The following DGKI variants were observed in gnomAD, a reference collection of about 807,000 sequenced individuals.
The protein encoded by DGKI is DAG kinase iota.
Under a neutral mutation model 147.5 loss-of-function variants are expected in DGKI, and 55 were observed. The observed-to-expected ratio is 0.37, with a 90% confidence interval of 0.30 to 0.47. The LOEUF (loss-of-function observed/expected upper bound fraction) is 0.47, where lower values mean the gene tolerates loss of function less well. Ranked by LOEUF, DGKI falls within the 20% of genes least tolerant of loss-of-function variation. The pLI, the probability that DGKI is intolerant of heterozygous loss-of-function variation, is 1.00. For synonymous variants in DGKI, 469 were observed against 477.1 expected (o/e 0.98, Z 0.22); for missense variants, 1,007 against 1,323.8 (o/e 0.76, Z 3.71).
At chr7:137,818,617 A>G (rs1797806901) in intron 1 of DGKI, among the ~76,000 whole-genome samples, 1 of 151,880 alleles carries the variant, frequency 6.6e-6, no homozygotes, top group Non-Finnish European at 1.5e-5. Context: ...AATTTTTTGT[A>G]TTTTTGGTAG....
intron 28 of DGKI, among the ~76,000 whole-genome samples, chr7:137,432,794 C>A (rs1813130981): frequency 6.6e-6 from 1 of 152,108 alleles, no homozygotes; most frequent in Non-Finnish European, 1.5e-5. Flanking sequence ...ACTATGGGGT[C>A]ATTAGGTAGT....
intron 20 of DGKI, among the ~76,000 whole-genome samples, chr7:137,534,903 G>A (rs866510438): frequency 1.3e-5 from 2 of 152,204 alleles, no homozygotes; most frequent in Non-Finnish European, 2.9e-5. Context: ...TGTTAGAGTG[G>A]AGCCTAATCC....
chr7:137,765,061 C>A (rs1031438694), intron 1 of DGKI, among the ~76,000 whole-genome samples: 4 of 152,202 alleles, frequency 2.6e-5, no homozygotes, highest in Non-Finnish European at 5.9e-5. Context: ...GACCCTCAGG[C>A]ACCTGCTAAT....
intron 1 of DGKI, among the ~76,000 whole-genome samples, chr7:137,805,559 GA>G (rs1244197264): frequency 1.3e-5 from 2 of 152,118 alleles, no homozygotes; most frequent in Non-Finnish European, 2.9e-5. Flanking sequence ...AGAAACAATG[GA>G]AAAAACCATG....
chr7:137,537,462 A>T lies in DGKI; in HGVS notation c.2147+14907T>A, dbSNP rs545248255. On this transcript the variant is annotated intron_variant, in intron 20 of 32. Coordinates refer to ENST00000614521, the MANE Select transcript of DGKI (RefSeq NM_001321708.2). The stretch of plus-strand genomic sequence containing the variant: ...GAAATCCATCAGAAAATACAGAAAT[A>T]AAAAAAAATTATCGATAATCCTACA... Among the ~76,000 whole-genome samples, 5 of 150,382 alleles carry T rather than the reference A, an allele frequency of 3.3e-5. No homozygotes were observed. The South Asian group carries it at 8.3e-4, about 25-fold the overall frequency.
intron 1 of DGKI, among the ~76,000 whole-genome samples, chr7:137,828,905 C>G (rs1185714056): frequency 4.6e-5 from 7 of 152,186 alleles, no homozygotes; most frequent in Non-Finnish European, 7.3e-5. Context: ...GCATAAGAAA[C>G]AATTTCTGTG....
intron 5 of DGKI, among the ~76,000 whole-genome samples, chr7:137,650,879 A>G (rs937934434): frequency 2.0e-5 from 3 of 152,222 alleles, no homozygotes; most frequent in Non-Finnish European, 4.4e-5. Flanking sequence ...CAGTCACGCA[A>G]AGAGATTTTC....
chr7:137,455,034 T>G (rs1342696146), intron 27 of DGKI, among the ~76,000 whole-genome samples: 2 of 152,266 alleles, frequency 1.3e-5, no homozygotes, highest in South Asian at 4.1e-4. Flanking sequence ...TATCTCCCTG[T>G]GGTAATTGAG....
chr7:137,478,601 T>C (rs1479536711), intron 23 of DGKI, among the ~76,000 whole-genome samples: 1 of 152,246 alleles, frequency 6.6e-6, no homozygotes, highest in Non-Finnish European at 1.5e-5. Context: ...ACTGGTAGAC[T>C]GGGTAGCCCT....
At chr7:137,633,455 C>T (rs2129002667) in intron 6 of DGKI, among the ~76,000 whole-genome samples, 1 of 152,290 alleles carries the variant, frequency 6.6e-6, no homozygotes, top group East Asian at 1.9e-4. Flanking sequence ...ATGTCACATT[C>T]TTAAGAAGTA....
At chr7:137,415,299 A>T (rs918982518) in intron 28 of DGKI, among the ~76,000 whole-genome samples, 4 of 152,246 alleles carry the variant, frequency 2.6e-5, no homozygotes, top group African/African-American at 4.8e-5. Context: ...TAAAAATTAC[A>T]ATAAATTTTA....
chr7:137,418,207 G>A (rs1303883782), intron 28 of DGKI, among the ~76,000 whole-genome samples: 2 of 152,166 alleles, frequency 1.3e-5, no homozygotes, highest in Non-Finnish European at 2.9e-5. Context: ...ATCACTAACT[G>A]CTATGACCTT....
intron 1 of DGKI, among the ~76,000 whole-genome samples, chr7:137,827,760 G>A (rs1202727650): frequency 1.3e-5 from 2 of 152,188 alleles, no homozygotes; most frequent in Non-Finnish European, 2.9e-5. Context: ...AGTGGAACCT[G>A]TTAAAGCCTT....
intron 1 of DGKI, among the ~76,000 whole-genome samples, chr7:137,698,593 C>A (rs1327980262): frequency 1.3e-5 from 2 of 152,112 alleles, no homozygotes; most frequent in Admixed American, 1.3e-4. Flanking sequence ...GGAAGGGGCT[C>A]AGATGTGGAC....
chr7:137,800,662 A>G (rs1170413300), intron 1 of DGKI, among the ~76,000 whole-genome samples: 1 of 152,176 alleles, frequency 6.6e-6, no homozygotes, highest in Non-Finnish European at 1.5e-5. Flanking sequence ...ACTAACACAG[A>G]GTGAAATGTT....
intron 3 of DGKI, among the ~76,000 whole-genome samples, chr7:137,674,214 A>G (rs1453886260): frequency 6.6e-6 from 1 of 152,226 alleles, no homozygotes; most frequent in African/African-American, 2.4e-5. Flanking sequence ...CAGGTATTCT[A>G]CAGTATTAAA....
rs1490338879 is a variant in DGKI at position 137,820,942 on chromosome 7, C to T, written c.401+25520G>A. Among the ~76,000 whole-genome samples, 4 of 152,286 alleles carry T rather than the reference C, an allele frequency of 2.6e-5. No homozygotes were observed. In the East Asian group the frequency reaches 7.8e-4, roughly 30 times the overall value. ...CCTCTGAAAATGTCAGAGCAACCCT[C>T]CCCTCCTCCCCTGGGGCCCAGCCCT... On this transcript the variant is annotated intron_variant, in intron 1 of 32. Transcript: ENST00000614521.
At chr7:137,607,774 T>A (rs1041812441) in intron 10 of DGKI, among the ~76,000 whole-genome samples, 11 of 152,120 alleles carry the variant, frequency 7.2e-5, no homozygotes, top group African/African-American at 2.4e-4. Flanking sequence ...AGGAAACCCA[T>A]GTCTAGGTCC....
chr7:137,841,504 GT>G (rs1313292248), intron 1 of DGKI, among the ~76,000 whole-genome samples: 1 of 152,138 alleles, frequency 6.6e-6, no homozygotes, highest in African/African-American at 2.4e-5. Flanking sequence ...TTTATTTGCA[GT>G]AACTACTGTC....
Sources: allele counts gnomAD v4.1 joint callset (sites outside exome capture counted in the v4.1 genomes callset), GRCh38; gene constraint gnomAD v4.1.1; transcripts MANE v1.5; gene names NCBI Gene and HGNC (gene_info 2026-07-23, HGNC 2026-07-21).